CACNA1D: variants seen among roughly 807,000 people sequenced by gnomAD.
The protein encoded by CACNA1D is calcium voltage-gated channel subunit alpha1 D.
In CACNA1D, 55 loss-of-function variants were observed where a neutral mutation model predicts 257.1. The ratio of observed to expected loss-of-function variants is 0.21; its 90% CI spans 0.17 to 0.27. The LOEUF (loss-of-function observed/expected upper bound fraction) is 0.27. Ranked by LOEUF, CACNA1D falls within the 10% of genes least tolerant of loss-of-function variation. The pLI, the probability that CACNA1D is intolerant of heterozygous loss-of-function variation, is 1.00. For missense variants in CACNA1D, 1,876 were observed against 2,784.0 expected, an observed-to-expected ratio of 0.67 and a Z score of 7.34; for synonymous variants, 980 against 1,014.9, an observed-to-expected ratio of 0.97 and a Z score of 0.65.
At chr3:53,582,737 C>T (rs886286708) in intron 3 of CACNA1D, among the ~76,000 whole-genome samples, 1 of 152,142 alleles carries the variant, frequency 6.6e-6, no homozygotes, top group African/African-American at 2.4e-5. Flanking sequence ...CTTTACTTGT[C>T]CAATGCTATT....
intron 10 of CACNA1D, chr3:53,718,591 C>T (rs1197234661): frequency 1.2e-6 from 1 of 855,444 alleles, no homozygotes; most frequent in Admixed American, 2.0e-5. Context: ...CGCCCCCCCG[C>T]CCCCCGGCCC....
chr3:53,539,233 C>T (rs1431503445), intron 3 of CACNA1D, among the ~76,000 whole-genome samples: 1 of 152,080 alleles, frequency 6.6e-6, no homozygotes, highest in South Asian at 2.1e-4. Context: ...CCTCAGCCTC[C>T]CTAGTAGCTG....
intron 3 of CACNA1D, among the ~76,000 whole-genome samples, chr3:53,516,935 G>C (rs2091358835): frequency 6.6e-6 from 1 of 152,212 alleles, no homozygotes; most frequent in South Asian, 2.1e-4. Context: ...GCTGTGCCCA[G>C]CACTGAGTGT....
chr3:53,719,846 AT>A, intron 11 of CACNA1D, 65 bp downstream of exon 11: 2 of 1,400,832 alleles, frequency 1.4e-6, no homozygotes, highest in South Asian at 1.2e-5. Context: ...TCACTTCTGA[AT>A]TTTACGTAGT....
In CACNA1D at chr3:53,749,434, A is replaced by G; in HGVS notation, c.3481A>G (p.Lys1161Glu). Reference protein sequence around the residue: ...VIVTFQEQGEKEYKNCELDKN... With the variant: ...VIVTFQEQGEEEYKNCELDKN... ...CGTTACATTTCAGGAACAAGGAGAA[A>G]AAGAGTATAAGAACTGTGAGCTGGA... Residue 1161 changes from lysine (K) to glutamate (E), a missense_variant, in exon 27 of 48, where the codon AAA (lysine) becomes GAA (glutamate). Around this residue, in one of 10 missense-constraint regions of CACNA1D, gnomAD observed 204 missense variants for 309.4 expected, o/e 0.66. Transcript: ENST00000350061. 1 of 1,614,024 alleles carries G rather than the reference A, an allele frequency of 6.2e-7. No homozygotes were observed. Among genetic ancestry groups the G allele is most frequent in the Non-Finnish European group, 8.5e-7 (1 of 1,179,878 alleles).
intron 3 of CACNA1D, among the ~76,000 whole-genome samples, chr3:53,596,439 C>G (rs1320464117): frequency 6.6e-6 from 1 of 152,156 alleles, no homozygotes; most frequent in East Asian, 1.9e-4. Context: ...ATGGCCCCCC[C>G]CAAAAGATTT....
intron 30 of CACNA1D, among the ~76,000 whole-genome samples, chr3:53,767,051 C>T (rs1426255575): frequency 3.3e-5 from 5 of 152,126 alleles, no homozygotes; most frequent in Non-Finnish European, 4.4e-5. Context: ...TCTCTTCATC[C>T]GTGTACTGTT....
intron 29 of CACNA1D, among the ~76,000 whole-genome samples, chr3:53,760,098 T>C (rs1436606019): frequency 6.6e-6 from 1 of 152,092 alleles, no homozygotes; most frequent in East Asian, 1.9e-4. Context: ...GGCACTGTGA[T>C]CATAGGGCGG....
intron 9 of CACNA1D, among the ~76,000 whole-genome samples, chr3:53,715,045 G>A (rs1164459227): frequency 6.6e-6 from 1 of 152,196 alleles, no homozygotes; most frequent in Non-Finnish European, 1.5e-5. Flanking sequence ...AAAAGGATAA[G>A]TGTGATATTT....
chr3:53,540,750 TA>T (rs2092276604), intron 3 of CACNA1D, among the ~76,000 whole-genome samples: 1 of 152,174 alleles, frequency 6.6e-6, no homozygotes, highest in African/African-American at 2.4e-5. Flanking sequence ...TATATGTATA[TA>T]TTTTTTTGAG....
rs869046550 is a variant in CACNA1D, at chr3:53,548,371, T to TAAA, written c.483+46654_483+46656dup. Among the ~76,000 whole-genome samples, 32 of 138,144 alleles carry TAAA rather than the reference T, an allele frequency of 2.3e-4. 1 individual carries two copies. Among genetic ancestry groups the TAAA allele is most frequent in the African/African-American group, 7.8e-4 (29 of 37,144 alleles). 90.6% of individuals were successfully genotyped at this position (138,144 alleles called of 152,430 possible). A position where few individuals can be genotyped will look rare whatever the true frequency, so the allele number is the denominator to read the frequency against. ...ACAAAGCTTTTTTTTTTTTTTTTTT[T>TAAA]AAAAATTATCTTTAAAGAATCCATT... On this transcript the variant is annotated intron_variant, in intron 3 of 47. Transcript: ENST00000350061.
chr3:53,633,231 G>A (rs1484668167), intron 3 of CACNA1D, among the ~76,000 whole-genome samples: 6 of 152,190 alleles, frequency 3.9e-5, no homozygotes, highest in Non-Finnish European at 5.9e-5. Flanking sequence ...GGTGGCTCAC[G>A]CCTGTGATCC....
chr3:53,545,222 T>A (rs1380592019), intron 3 of CACNA1D, among the ~76,000 whole-genome samples: 2 of 152,220 alleles, frequency 1.3e-5, no homozygotes, highest in African/African-American at 4.8e-5. Flanking sequence ...TTAAAGAGCA[T>A]CTTAATGAAT....
At chr3:53,742,908 A>T in intron 21 of CACNA1D, 103 bp from the exon 22 acceptor site, 1 of 801,964 alleles carries the variant, frequency 1.2e-6, no homozygotes, top group Non-Finnish European at 2.3e-6. Flanking sequence ...CTTAATGCAC[A>T]CTTGTTAATG....
chr3:53,785,654 G>A (rs2095449012), intron 39 of CACNA1D: 1 of 152,228 alleles, frequency 6.6e-6, no homozygotes, highest in Non-Finnish European at 1.5e-5. Context: ...AACATCAAGT[G>A]CCCAGCACTT....
intron 8 of CACNA1D, among the ~76,000 whole-genome samples, chr3:53,696,851 C>T (rs1293876023): frequency 6.6e-6 from 1 of 152,156 alleles, no homozygotes; most frequent in African/African-American, 2.4e-5. Context: ...GAGTGGCAGG[C>T]AGAAGCATCT....
Position 53,781,566 on chromosome 3 carries a change from G to A in CACNA1D, c.4691G>A (p.Gly1564Glu). Residue 1564 changes from glycine to glutamate, a missense_variant and splice_region_variant, in exon 39 of 48, where the codon GGG becomes GAG. Transcript: ENST00000350061. ...VRTALKIKTE[G>E]NLEQANEELR... Reference sequence around the variant, plus strand: ...TTCCCCTTTTGTTTTTTGAATCCAGGGAACCTGGAGCAAGCTAATGAAGAA... The same window carrying A: ...TTCCCCTTTTGTTTTTTGAATCCAGAGAACCTGGAGCAAGCTAATGAAGAA... The A allele has an allele frequency of 6.2e-7, 1 of 1,609,640 alleles. No homozygotes were observed. The highest frequency in any genetic ancestry group is 1.1e-5 in the South Asian group (1 of 91,016).
chr3:53,667,676 A>G (rs186845779), intron 7 of CACNA1D, among the ~76,000 whole-genome samples: 12 of 152,320 alleles, frequency 7.9e-5, no homozygotes, highest in East Asian at 7.7e-4. Flanking sequence ...AGATGTCCCT[A>G]TATATTTAAT....
intron 30 of CACNA1D, chr3:53,766,049 T>C (rs1436470501): frequency 1.3e-5 from 2 of 152,262 alleles, no homozygotes; most frequent in Admixed American, 6.5e-5. Flanking sequence ...CATTTGTCTC[T>C]TCTCATTATC....
Sources: allele counts gnomAD v4.1 joint callset (sites outside exome capture counted in the v4.1 genomes callset), GRCh38; gene constraint gnomAD v4.1.1; regional missense constraint gnomAD v4.1.1; transcripts MANE v1.5; gene names NCBI Gene and HGNC (gene_info 2026-07-23, HGNC 2026-07-21).